Variants in GPM6A observed in about 807,000 individuals in gnomAD.
The protein encoded by GPM6A is neuronal membrane glycoprotein M6-a.
Under a neutral mutation model 32.1 loss-of-function variants are expected in GPM6A, and 7 were observed. The observed-to-expected ratio is 0.22, with a 90% CI of 0.12 to 0.41. The LOEUF (loss-of-function observed/expected upper bound fraction) is 0.41, where lower values mean the gene tolerates loss of function less well. Among genes scored for constraint, GPM6A ranks in the 10% least tolerant of loss-of-function variants. GPM6A has a pLI of 1.00. For missense variants in GPM6A, 235 were observed against 347.2 expected (o/e 0.68, Z 2.57); for synonymous variants, 130 against 123.4 (o/e 1.05, Z -0.35).
intron 2 of GPM6A, among the ~76,000 whole-genome samples, chr4:175,699,655 G>C (rs1185128595): frequency 6.6e-6 from 1 of 151,986 alleles, no homozygotes; most frequent in Non-Finnish European, 1.5e-5. Context: ...TATGTGTGGG[G>C]GGTGGAGGGG....
At chr4:175,986,802 G>T (rs1740990320) in intron 1 of GPM6A, among the ~76,000 whole-genome samples, 1 of 152,072 alleles carries the variant, frequency 6.6e-6, no homozygotes, top group Non-Finnish European at 1.5e-5. Flanking sequence ...TCATGCAAGA[G>T]CCCCACCCCC....
intron 1 of GPM6A, among the ~76,000 whole-genome samples, chr4:175,890,929 C>T (rs936945587): frequency 2.6e-5 from 4 of 151,964 alleles, no homozygotes; most frequent in African/African-American, 7.3e-5. Flanking sequence ...TACATTTAAA[C>T]ACAAAAAATG....
At chr4:175,962,452 G>C in intron 1 of GPM6A, 1 of 669,084 alleles carries the variant, frequency 1.5e-6, no homozygotes. Flanking sequence ...AGGACAATAA[G>C]GCAACCTTTT....
At chr4:175,662,251 A>AT (rs1742465181) in intron 3 of GPM6A, among the ~76,000 whole-genome samples, 1 of 152,082 alleles carries the variant, frequency 6.6e-6, no homozygotes, top group African/African-American at 2.4e-5. Flanking sequence ...TCTTGCCTGC[A>AT]TACCACCTCG....
chr4:175,962,455 A>T, intron 1 of GPM6A: 1 of 662,558 alleles, frequency 1.5e-6, no homozygotes, highest in Non-Finnish European at 2.9e-6. Context: ...ACAATAAGGC[A>T]ACCTTTTTTG....
chr4:175,763,076 A>G (rs1190533270), intron 1 of GPM6A, among the ~76,000 whole-genome samples: 5 of 152,246 alleles, frequency 3.3e-5, no homozygotes, highest in African/African-American at 9.6e-5. Flanking sequence ...TGTAAAATAT[A>G]TATCTATAAA....
intron 1 of GPM6A, among the ~76,000 whole-genome samples, chr4:175,944,852 G>T (rs1284930819): frequency 6.6e-6 from 1 of 152,158 alleles, no homozygotes; most frequent in Non-Finnish European, 1.5e-5. Flanking sequence ...CGTTTTGTAG[G>T]CTTTACCGAC....
At chr4:175,712,132 T>C (rs879454306) in intron 1 of GPM6A, among the ~76,000 whole-genome samples, 6 of 152,178 alleles carry the variant, frequency 3.9e-5, no homozygotes, top group East Asian at 1.9e-4. Flanking sequence ...ACCACCACAA[T>C]TGAATATAAT....
chr4:175,652,093 A>G (rs1231439967), intron 3 of GPM6A, 106 bp from the exon 4 acceptor site: 4 of 745,806 alleles, frequency 5.4e-6, no homozygotes, highest in Non-Finnish European at 8.6e-6. Context: ...GGGATACAGT[A>G]CATAAGTCAG....
intron 4 of GPM6A, among the ~76,000 whole-genome samples, chr4:175,647,667 A>G (rs1468333953): frequency 6.6e-6 from 1 of 152,202 alleles, no homozygotes; most frequent in African/African-American, 2.4e-5. Flanking sequence ...GATAGCGTCT[A>G]TATACTAAGG....
chr4:175,852,703 T>G (rs868125772), intron 1 of GPM6A, among the ~76,000 whole-genome samples: 58 of 152,168 alleles, frequency 3.8e-4, no homozygotes, highest in Admixed American at 5.2e-4. Flanking sequence ...AGATAGCACT[T>G]AATTTCCCTC....
At chr4:175,912,621 C>A (rs1738358548) in intron 1 of GPM6A, among the ~76,000 whole-genome samples, 1 of 152,280 alleles carries the variant, frequency 6.6e-6, no homozygotes. Flanking sequence ...CACCATTGCA[C>A]TCTAGCCTGG....
At chr4:175,829,821 T>A (rs1735555086) in intron 1 of GPM6A, among the ~76,000 whole-genome samples, 1 of 151,172 alleles carries the variant, frequency 6.6e-6, no homozygotes, top group East Asian at 1.9e-4. Context: ...GGACATGACA[T>A]TTTGTGACCA....
chr4:175,948,502 A>C (rs2126366701), intron 1 of GPM6A, among the ~76,000 whole-genome samples: 1 of 152,238 alleles, frequency 6.6e-6, no homozygotes, highest in South Asian at 2.1e-4. Flanking sequence ...CCCACAGTCT[A>C]TTGTATTGTG....
chr4:175,979,524 G>A (rs757789619), intron 1 of GPM6A, among the ~76,000 whole-genome samples: 20 of 152,168 alleles, frequency 1.3e-4, no homozygotes, highest in Non-Finnish European at 1.8e-4. Flanking sequence ...ATAGTTTGCT[G>A]AGAATGATGG....
intron 1 of GPM6A, among the ~76,000 whole-genome samples, chr4:175,761,046 T>C (rs888503624): frequency 1.3e-5 from 2 of 152,116 alleles, no homozygotes; most frequent in African/African-American, 4.8e-5. Flanking sequence ...CCAGAGTTAC[T>C]GAGGGAGAAA....
chr4:175,893,469 A>G (rs1236986968), intron 1 of GPM6A, among the ~76,000 whole-genome samples: 1 of 152,022 alleles, frequency 6.6e-6, no homozygotes, highest in African/African-American at 2.4e-5. Context: ...TCCTAAGTTA[A>G]ACACTTCTCC....
intron 6 of GPM6A, among the ~76,000 whole-genome samples, chr4:175,639,164 T>G (rs1256836249): frequency 6.6e-6 from 1 of 152,172 alleles, no homozygotes; most frequent in African/African-American, 2.4e-5. Flanking sequence ...TAAGTCATTT[T>G]TAATAAAACA....
chr4:175,862,432 A>G (rs921655199), intron 1 of GPM6A, among the ~76,000 whole-genome samples: 8 of 152,176 alleles, frequency 5.3e-5, no homozygotes, highest in Admixed American at 6.5e-5. Context: ...GCTCAACATT[A>G]TGTTTGTGAG....
Sources: gnomAD v4.1 joint callset for allele counts (sites outside exome capture counted in the v4.1 genomes callset) on GRCh38, gnomAD v4.1.1 for gene constraint, MANE v1.5 for transcripts, NCBI Gene and HGNC (gene_info 2026-07-23, HGNC 2026-07-21) for gene names.